Variants in TMPRSS4 observed in about 807,000 individuals in gnomAD.
TMPRSS4 encodes transmembrane protease serine 4.
Under a neutral mutation model 56.4 loss-of-function variants are expected in TMPRSS4, and 45 were observed. The observed-to-expected ratio is 0.80, with a 90% CI of 0.63 to 1.02. The LOEUF (loss-of-function observed/expected upper bound fraction) is 1.02. Among genes scored for constraint, TMPRSS4 ranks in the 50% least tolerant of loss-of-function variants. The pLI, the probability that TMPRSS4 is intolerant of heterozygous loss-of-function variation, is 0.00. For missense variants in TMPRSS4, 546 were observed against 556.7 expected (o/e 0.98, Z 0.19); for synonymous variants, 205 against 211.0 (o/e 0.97, Z 0.25).
intron 12 of TMPRSS4, 114 bp downstream of exon 12, chr11:118,117,568 T>G: frequency 6.7e-7 from 1 of 1,502,758 alleles, no homozygotes; most frequent in Non-Finnish European, 8.9e-7. Context: ...ACATCCCAAA[T>G]AACTTTCCCT....
Position 118,104,675 on chromosome 11 carries a change from G to T in TMPRSS4, c.311-16G>T, listed in dbSNP as rs367614446. On this transcript the variant is annotated splice_polypyrimidine_tract_variant and intron_variant, in intron 4 of 12. Transcript: ENST00000437212. The stretch of plus-strand genomic sequence containing the variant: ...GGGCCCCCCGTTCCATCTAACTCAG[G>T]TTCCTTTCCTCCCAGTCCGCCTCTC... 8 of 1,613,968 alleles carry T rather than the reference G, an allele frequency of 5.0e-6. No individual in the cohort carries two copies. The Admixed American group carries it at 1.0e-4, about 20-fold the overall frequency.
Position 118,117,970 on chromosome 11 carries a change from G to A in TMPRSS4, c.*57G>A, listed in dbSNP as rs1011794841. 9 of 1,611,608 alleles carry A rather than the reference G, an allele frequency of 5.6e-6. No individual in the cohort carries two copies. Among genetic ancestry groups the A allele is most frequent in the African/African-American group, 4.0e-5 (3 of 74,856 alleles). ...CTTCCTTCCTGCCCTGCCCACCTGG[G>A]GATCCCCCAAAGTCAGACACAGAGC... is the stretch of plus-strand genomic sequence containing the variant. On this transcript the variant is annotated 3_prime_UTR_variant, in exon 13 of 13. Transcript: ENST00000437212.
Position 118,115,094 on chromosome 11 carries a change from G to T in TMPRSS4, c.1010-44G>T. The T allele has an allele frequency of 3.1e-6, 5 of 1,594,344 alleles. No homozygotes were observed. The East Asian group carries it at 9.0e-5, about 29-fold the overall frequency. ...GTGGTTTGGCAATCCAGGGCTGGGG[G>T]ATAGAAGGCAAGGATGGGAATGTGA... On this transcript the variant is annotated intron_variant, in intron 10 of 12. Transcript: ENST00000437212.
intron 2 of TMPRSS4, chr11:118,095,062 G>A (rs1946209985): frequency 3.3e-6 from 2 of 603,440 alleles, no homozygotes; most frequent in South Asian, 3.9e-5. Context: ...TGGGGAAACA[G>A]GACCAACAAA....
intron 8 of TMPRSS4, among the ~76,000 whole-genome samples, chr11:118,112,150 AC>A (rs1202145079): frequency 6.6e-6 from 1 of 151,798 alleles, no homozygotes; most frequent in Non-Finnish European, 1.5e-5. Context: ...CAGAGTCCTC[AC>A]CCCACCCCCA....
chr11:118,119,433 G>C lies in TMPRSS4; in HGVS notation c.*1520G>C. On this transcript the variant is annotated 3_prime_UTR_variant, in exon 13 of 13. Transcript: ENST00000437212. ...CTCCAAATATGAGCTCACAATCAAAGATCAGAGACGTTGAAAAATAAAAAA... is the reference window on the plus strand; with the variant it reads ...CTCCAAATATGAGCTCACAATCAAACATCAGAGACGTTGAAAAATAAAAAA... 1 of 895,220 alleles carries C rather than the reference G, an allele frequency of 1.1e-6. No individual in the cohort carries two copies. The highest frequency in any genetic ancestry group is 1.3e-6 in the Non-Finnish European group (1 of 747,930). 55.5% of individuals were successfully genotyped at this position (895,220 alleles called of 1,614,324 possible).
chr11:118,115,292 A>C lies in TMPRSS4; in HGVS notation c.1152+12A>C, dbSNP rs1222870412. On this transcript the variant is annotated intron_variant, in intron 11 of 12. Transcript: ENST00000437212. The stretch of plus-strand genomic sequence containing the variant: ...TGGACACCTGCCAGGTGGGGCCTCC[A>C]AGAATCATGGGGAGTTCTAAGAATA... The C allele has an allele frequency of 1.2e-6, 2 of 1,611,686 alleles. No homozygotes were observed. Among genetic ancestry groups the C allele is most frequent in the South Asian group, 2.2e-5 (2 of 89,912 alleles).
chr11:118,113,565 A>T, intron 9 of TMPRSS4, 130 bp downstream of exon 9: 1 of 1,041,516 alleles, frequency 9.6e-7, no homozygotes, highest in Non-Finnish European at 1.4e-6. Context: ...ATTTGTCTCT[A>T]ATACGTCAGC....
At chr11:118,112,752 A>G (rs1324564610) in intron 8 of TMPRSS4, among the ~76,000 whole-genome samples, 1 of 150,890 alleles carries the variant, frequency 6.6e-6, no homozygotes, top group African/African-American at 2.4e-5. Flanking sequence ...ACACCAGATG[A>G]TGCGCCCAAG....
chr11:118,085,048 G>T (rs1309896836), intron 1 of TMPRSS4, among the ~76,000 whole-genome samples: 1 of 152,116 alleles, frequency 6.6e-6, no homozygotes, highest in Non-Finnish European at 1.5e-5. Flanking sequence ...GCTTGCAAAG[G>T]TGCTGAAAAT....
chr11:118,116,379 C>T (rs1947549190), intron 11 of TMPRSS4, among the ~76,000 whole-genome samples: 1 of 152,190 alleles, frequency 6.6e-6, no homozygotes, highest in Non-Finnish European at 1.5e-5. Flanking sequence ...TTTGGAGACC[C>T]CTCAGGGAGC....
Position 118,117,984 on chromosome 11 carries a change from C to T in TMPRSS4, c.*71C>T. 6.2e-7 allele frequency: 1 copy of T among 1,611,210 alleles called. No homozygotes were observed. The highest frequency in any genetic ancestry group is 2.2e-5 in the East Asian group (1 of 44,884). On this transcript the variant is annotated 3_prime_UTR_variant, in exon 13 of 13. Coordinates refer to ENST00000437212, the MANE Select transcript of TMPRSS4 (RefSeq NM_019894.4). ...TGCCCACCTGGGGATCCCCCAAAGT[C>T]AGACACAGAGCAAGAGTCCCCTTGG...
chr11:118,117,303 A>G lies in TMPRSS4; in HGVS notation c.1153-2A>G, dbSNP rs748319324. 1 of 1,614,056 alleles carries G rather than the reference A, an allele frequency of 6.2e-7. No homozygotes were observed. The highest frequency in any genetic ancestry group is 8.5e-7 in the Non-Finnish European group (1 of 1,180,018). The stretch of plus-strand genomic sequence containing the variant: ...AGCAGTCTCTGTTCTGGTCTCTCAC[A>G]GGGTGACAGTGGTGGGCCCCTGATG... On this transcript the variant is annotated splice_acceptor_variant, in intron 11 of 12. Transcript: ENST00000437212. LOFTEE classifies it high-confidence loss of function.
At chr11:118,101,924 A>T (rs892511245) in intron 3 of TMPRSS4, among the ~76,000 whole-genome samples, 4 of 152,214 alleles carry the variant, frequency 2.6e-5, no homozygotes, top group African/African-American at 9.6e-5. Context: ...AAAACCGAGG[A>T]CCAACCCCTT....
intron 12 of TMPRSS4, 166 bp from the exon 13 acceptor site, chr11:118,117,736 T>C (rs1273251489): frequency 8.1e-6 from 8 of 985,424 alleles, no homozygotes; most frequent in Non-Finnish European, 9.6e-6. Flanking sequence ...AGAGAGAAGA[T>C]TCTGATAAGG....
intron 1 of TMPRSS4, among the ~76,000 whole-genome samples, 156 bp downstream of exon 1, chr11:118,077,461 G>A (rs756311465): frequency 6.6e-6 from 1 of 152,118 alleles, no homozygotes; most frequent in African/African-American, 2.4e-5. Flanking sequence ...ACCCCAGCCC[G>A]GTACACGTCT....
At chr11:118,117,746 G>A in intron 12 of TMPRSS4, 156 bp from the exon 13 acceptor site, 5 of 985,450 alleles carry the variant, frequency 5.1e-6, no homozygotes, top group Non-Finnish European at 6.0e-6. Context: ...TTCTGATAAG[G>A]AAGAGAGTGG....
At chr11:118,079,778 C>T (rs1039970712) in intron 1 of TMPRSS4, among the ~76,000 whole-genome samples, 3 of 152,098 alleles carry the variant, frequency 2.0e-5, no homozygotes, top group Non-Finnish European at 2.9e-5. Context: ...AGCCAGCCTG[C>T]GGGCAGCGGG....
chr11:118,094,785 T>C lies in TMPRSS4; in HGVS notation c.4-31T>C, dbSNP rs756559920. On this transcript the variant is annotated intron_variant, in intron 1 of 12. Transcript: ENST00000437212. ...GCTAGCCCCAGCCTGAGAGGCTCCC[T>C]GCCTCAACTCACTGACTGTTTTTCC... is the stretch of plus-strand genomic sequence containing the variant. 4 of 1,602,828 alleles carry C rather than the reference T, an allele frequency of 2.5e-6. No individual in the cohort carries two copies. The South Asian group carries it at 3.4e-5, about 14-fold the overall frequency.
Sources: allele counts gnomAD v4.1 joint callset (sites outside exome capture counted in the v4.1 genomes callset), GRCh38; gene constraint gnomAD v4.1.1; transcripts MANE v1.5; gene names NCBI Gene and HGNC (gene_info 2026-07-23, HGNC 2026-07-21).